Variants in CEP135 observed in about 807,000 individuals in gnomAD.
The protein encoded by CEP135 is centrosomal protein 135.
In CEP135, 142 loss-of-function variants were observed where a neutral mutation model predicts 157.3. The observed-to-expected ratio is 0.90, with a 90% confidence interval of 0.79 to 1.04. The LOEUF is 1.04. Ranked by LOEUF, CEP135 falls within the 50% of genes least tolerant of loss-of-function variation. The pLI, the probability that CEP135 is intolerant of heterozygous loss-of-function variation, is 0.00. For synonymous variants in CEP135, 396 were observed against 439.8 expected (o/e 0.90, Z 1.25); for missense variants, 1,317 against 1,309.2 (o/e 1.01, Z -0.09).
At chr4:55,999,438 T>C in intron 16 of CEP135, 21 bp downstream of exon 16, 2 of 1,613,488 alleles carry the variant, frequency 1.2e-6, no homozygotes, top group Non-Finnish European at 1.7e-6. Context: ...TAAAATTTTG[T>C]TTCTGCTAAT....
At chr4:55,974,676 T>A (rs1729134253) in intron 10 of CEP135, 70 bp from the exon 11 acceptor site, 3 of 1,124,610 alleles carry the variant, frequency 2.7e-6, no homozygotes, top group Non-Finnish European at 3.8e-6. Context: ...AAGTTATTAA[T>A]ATAATTTACT....
At chr4:55,985,492 G>C (rs537093462) in intron 14 of CEP135, 134 bp downstream of exon 14, 34 of 278,940 alleles carry the variant, frequency 1.2e-4, no homozygotes, top group Middle Eastern at 2.5e-3. Flanking sequence ...GTCTCGCTCT[G>C]TTGCCCCGGT....
intron 25 of CEP135, among the ~76,000 whole-genome samples, chr4:56,024,966 C>T (rs1731105863): frequency 6.6e-6 from 1 of 151,680 alleles, no homozygotes; most frequent in Non-Finnish European, 1.5e-5. Context: ...AGTGAGACCT[C>T]CACCTCTACA....
At chr4:56,004,926 A>ATT (rs141401678) in intron 17 of CEP135, among the ~76,000 whole-genome samples, 1,674 of 126,504 alleles carry the variant, frequency 0.013, 45 homozygotes, top group East Asian at 0.084. Flanking sequence ...TAATGCTGCC[A>ATT]TTTTTTTTTT....
intron 14 of CEP135, among the ~76,000 whole-genome samples, chr4:55,988,532 C>T (rs1421963075): frequency 5.3e-5 from 8 of 151,980 alleles, no homozygotes; most frequent in Non-Finnish European, 1.2e-4. Flanking sequence ...AGGTGGCACG[C>T]GCCTGTAGTC....
chr4:55,986,711 G>T (rs565497499), intron 14 of CEP135, among the ~76,000 whole-genome samples: 1 of 152,206 alleles, frequency 6.6e-6, no homozygotes, highest in African/African-American at 2.4e-5. Flanking sequence ...TGTTATATGG[G>T]TATACTGTGT....
chr4:55,969,905 C>CAGT (rs1728971357), intron 9 of CEP135, among the ~76,000 whole-genome samples: 1 of 152,038 alleles, frequency 6.6e-6, no homozygotes, highest in Non-Finnish European at 1.5e-5. Context: ...CAGGGGCTTG[C>CAGT]CTTGTCACCT....
In CEP135 at chr4:56,017,758, A is replaced by G. The variant is rs1041346668; in HGVS notation, c.2913A>G (p.Leu971=). 2 of 1,614,046 alleles carry G rather than the reference A, an allele frequency of 1.2e-6. No individual in the cohort carries two copies. The highest frequency in any genetic ancestry group is 1.1e-5 in the South Asian group (1 of 91,084). Residue 971 remains leucine, a synonymous_variant, in exon 22 of 26, where the codon TTA becomes TTG. Transcript: ENST00000257287. ...AAGAAGATGAGAAAGCAACAGTATT[A>G]AATGACTTGTCATCTCTTAGAGAAC... The part of the protein sequence containing the change: ...RHQEDEKATV[L]NDLSSLRELC...
chr4:55,987,966 T>C (rs867881847), intron 14 of CEP135, among the ~76,000 whole-genome samples: 3 of 151,916 alleles, frequency 2.0e-5, no homozygotes, highest in African/African-American at 7.3e-5. Context: ...TCCAAAAGCA[T>C]GACAAATCCC....
At chr4:56,006,796 C>G (rs757787695) in intron 17 of CEP135, among the ~76,000 whole-genome samples, 10 of 152,070 alleles carry the variant, frequency 6.6e-5, no homozygotes, top group Non-Finnish European at 1.3e-4. Flanking sequence ...AGTTCATGGT[C>G]CCCTGTTTGC....
Position 55,965,865 on chromosome 4 carries a change from G to T in CEP135, c.1044+6G>T, listed in dbSNP as rs370353869. The T allele has an allele frequency of 1.2e-6, 2 of 1,603,122 alleles. No individual in the cohort carries two copies. The highest frequency in any genetic ancestry group is 2.2e-5 in the South Asian group (2 of 90,300). ...AAGAGCTTGGGGAAGCAAAGGTAAT[G>T]AATGATATGTGTAGATTGTGAGAGT... is the stretch of plus-strand genomic sequence containing the variant. On this transcript the variant is annotated splice_donor_region_variant and intron_variant, in intron 8 of 25. Transcript: ENST00000257287.
At chr4:56,003,789 T>A (rs984861511) in intron 17 of CEP135, among the ~76,000 whole-genome samples, 2 of 152,020 alleles carry the variant, frequency 1.3e-5, no homozygotes, top group Non-Finnish European at 2.9e-5. Context: ...AGCAAGATCA[T>A]GGCTCATTGC....
intron 25 of CEP135, among the ~76,000 whole-genome samples, chr4:56,025,423 A>G (rs1012366826): frequency 1.3e-5 from 2 of 152,218 alleles, no homozygotes; most frequent in Non-Finnish European, 2.9e-5. Flanking sequence ...GACAAAGCAT[A>G]GAAACAGTAG....
chr4:56,001,792 T>C (rs917237756), intron 17 of CEP135, among the ~76,000 whole-genome samples: 1 of 152,106 alleles, frequency 6.6e-6, no homozygotes, highest in African/African-American at 2.4e-5. Flanking sequence ...GAAATGTTGA[T>C]CGTGTTCTAA....
At chr4:55,976,269 A>C (rs1729214327) in intron 11 of CEP135, among the ~76,000 whole-genome samples, 1 of 151,934 alleles carries the variant, frequency 6.6e-6, no homozygotes, top group Non-Finnish European at 1.5e-5. Flanking sequence ...AAAGAAAGAA[A>C]AAGAATGAAT....
At chr4:55,997,480 A>G (rs891696101) in intron 15 of CEP135, among the ~76,000 whole-genome samples, 4 of 152,184 alleles carry the variant, frequency 2.6e-5, no homozygotes, top group African/African-American at 9.7e-5. Flanking sequence ...CCAACTGCTC[A>G]GTGTCCTTCA....
At chr4:56,025,540 G>A (rs531682468) in intron 25 of CEP135, among the ~76,000 whole-genome samples, 7 of 152,278 alleles carry the variant, frequency 4.6e-5, no homozygotes, top group Admixed American at 3.9e-4. Flanking sequence ...TATATTGAAT[G>A]TGAAGCTAAA....
intron 14 of CEP135, among the ~76,000 whole-genome samples, chr4:55,985,731 G>T (rs1192532510): frequency 6.6e-6 from 1 of 152,144 alleles, no homozygotes; most frequent in Non-Finnish European, 1.5e-5. Context: ...AAAGTGCTGG[G>T]ATTACAGCAT....
rs78013858 is a variant in CEP135 at position 55,964,143 on chromosome 4, C to T, written c.700-131C>T. ...TGCATTTATGCATATAATATATGGA[C>T]ACAAATATGAATGTTAATCTCTTGC... On this transcript the variant is annotated intron_variant, in intron 6 of 25. Coordinates refer to ENST00000257287, the MANE Select transcript of CEP135 (RefSeq NM_025009.5). 2.2e-3 allele frequency: 1,724 copies of T among 776,422 alleles called. 13 individuals carry two copies. In the African/African-American group the frequency reaches 0.027, roughly 12 times the overall value. The allele number at this position is 776,422 out of a possible 1,614,324, so 48.1% of individuals were successfully genotyped here. A position where few individuals can be genotyped will look rare whatever the true frequency, so the allele number is the denominator to read the frequency against.
Sources: gnomAD v4.1 joint callset for allele counts (sites outside exome capture counted in the v4.1 genomes callset) on GRCh38, gnomAD v4.1.1 for gene constraint, MANE v1.5 for transcripts, NCBI Gene and HGNC (gene_info 2026-07-23, HGNC 2026-07-21) for gene names.